Variants in SV2C observed in about 807,000 individuals in gnomAD.
SV2C encodes synaptic vesicle glycoprotein 2C.
In SV2C, 49 loss-of-function variants were observed where a neutral mutation model predicts 79.7. The ratio of observed to expected loss-of-function variants is 0.61; its 90% CI spans 0.49 to 0.78. SV2C has a LOEUF of 0.78. Among genes scored for constraint, SV2C ranks in the 30% least tolerant of loss-of-function variants. The probability of loss-of-function intolerance (pLI) is 0.00; values close to 1 mark genes in which losing one functional copy is unlikely to be tolerated. For synonymous variants in SV2C, 334 were observed against 333.2 expected (o/e 1.00, Z -0.03); for missense variants, 833 against 912.9 (o/e 0.91, Z 1.13).
chr5:76,167,280 A>G (rs1743074390), intron 2 of SV2C, among the ~76,000 whole-genome samples: 1 of 152,224 alleles, frequency 6.6e-6, no homozygotes, highest in South Asian at 2.1e-4. Flanking sequence ...TAGTAATTTT[A>G]AGCTTTAGTT....
At chr5:76,034,227 G>C in the SV2C span, among the ~76,000 whole-genome samples, 1 of 151,714 alleles carries the variant, frequency 6.6e-6, no homozygotes, top group South Asian at 2.1e-4. Flanking sequence ...TTTCCTAATT[G>C]AATACCCTTT....
chr5:75,893,360 G>A, the SV2C span, among the ~76,000 whole-genome samples: 23 of 152,046 alleles, frequency 1.5e-4, no homozygotes, highest in Non-Finnish European at 2.4e-4. Context: ...AAGTATTCTA[G>A]ATTCTTTGGG....
the SV2C span, among the ~76,000 whole-genome samples, chr5:76,007,741 C>A: frequency 6.6e-6 from 1 of 152,128 alleles, no homozygotes; most frequent in African/African-American, 2.4e-5. Context: ...CTGCTCTCAT[C>A]GAGCCTGTAT....
At chr5:75,909,916 A>G in the SV2C span, among the ~76,000 whole-genome samples, 3 of 152,236 alleles carry the variant, frequency 2.0e-5, no homozygotes, top group African/African-American at 7.2e-5. Flanking sequence ...TGATCCATCC[A>G]CAGACACAAT....
intron 1 of SV2C, among the ~76,000 whole-genome samples, chr5:76,120,444 G>C (rs9293668): frequency 0.23 from 33,476 of 144,436 alleles, 4,332 homozygotes; most frequent in East Asian, 0.45. Flanking sequence ...GTATACATGT[G>C]CCATGCTGGT....
At chr5:76,022,148 C>A in the SV2C span, among the ~76,000 whole-genome samples, 1 of 152,200 alleles carries the variant, frequency 6.6e-6, no homozygotes, top group African/African-American at 2.4e-5. Context: ...TAATGCCTCA[C>A]AGCGGCATTA....
At chr5:76,052,603 G>C in the SV2C span, among the ~76,000 whole-genome samples, 1 of 152,172 alleles carries the variant, frequency 6.6e-6, no homozygotes, top group Non-Finnish European at 1.5e-5. Context: ...CTGATGGCCA[G>C]GGTGCTGGAG....
the SV2C span, among the ~76,000 whole-genome samples, chr5:75,905,615 T>A: frequency 6.6e-6 from 1 of 151,974 alleles, no homozygotes; most frequent in Non-Finnish European, 1.5e-5. Context: ...TGGTCTGCAG[T>A]TGGGATGTCC....
At chr5:76,277,118 C>T (rs2972839) in intron 4 of SV2C, among the ~76,000 whole-genome samples, 22,474 of 152,112 alleles carry the variant, frequency 0.15, 2,201 homozygotes, top group African/African-American at 0.27. Context: ...GGGAAAGATG[C>T]GAAGCAGCTA....
chr5:76,118,552 C>CT (rs967950801), intron 1 of SV2C, among the ~76,000 whole-genome samples: 9 of 151,860 alleles, frequency 5.9e-5, no homozygotes, highest in African/African-American at 9.7e-5. Flanking sequence ...GATAAAACAC[C>CT]TTTTTTTTAA....
At chr5:76,197,735 T>TAG (rs34645140) in intron 3 of SV2C, among the ~76,000 whole-genome samples, 22 of 152,002 alleles carry the variant, frequency 1.4e-4, no homozygotes, top group South Asian at 6.2e-4. Flanking sequence ...GATAGATAGA[T>TAG]ATGAGACAGG....
At chr5:76,068,070 T>C in the SV2C span, among the ~76,000 whole-genome samples, 1 of 152,176 alleles carries the variant, frequency 6.6e-6, no homozygotes, top group African/African-American at 2.4e-5. Context: ...TTGTATTCCA[T>C]TAGCCAGAGC....
intron 4 of SV2C, among the ~76,000 whole-genome samples, chr5:76,284,465 G>A (rs563413992): frequency 3.9e-4 from 60 of 152,224 alleles, no homozygotes; most frequent in African/African-American, 1.2e-3. Flanking sequence ...GGTGTTTAGC[G>A]AAGGGACTCT....
the SV2C span, among the ~76,000 whole-genome samples, chr5:75,889,159 C>T: frequency 6.6e-6 from 1 of 151,782 alleles, no homozygotes; most frequent in Non-Finnish European, 1.5e-5. Context: ...CATAGGTATA[C>T]ATGTGGCATG....
intron 12 of SV2C, among the ~76,000 whole-genome samples, chr5:76,302,630 C>CAAAAAAAAAAAAA (rs60732488): frequency 2.9e-5 from 2 of 68,862 alleles, no homozygotes; most frequent in African/African-American, 6.0e-5. Context: ...GACTCCATCT[C>CAAAAAAAAAAAAA]AAAAAAAAAA....
chr5:75,860,448 C>T, the SV2C span, among the ~76,000 whole-genome samples: 447 of 152,186 alleles, frequency 2.9e-3, 10 homozygotes, highest in East Asian at 0.038. Context: ...ATGACACAAA[C>T]AAATGGAAAA....
the SV2C span, among the ~76,000 whole-genome samples, chr5:75,897,680 T>C: frequency 6.6e-6 from 1 of 152,300 alleles, no homozygotes; most frequent in African/African-American, 2.4e-5. Flanking sequence ...TTTCACGATA[T>C]TGATTCTTCC....
the SV2C span, among the ~76,000 whole-genome samples, chr5:75,915,391 G>A: frequency 2.6e-5 from 4 of 152,314 alleles, no homozygotes; most frequent in African/African-American, 7.2e-5. Flanking sequence ...AATGAAGTAA[G>A]TAGGATTCCT....
the SV2C span, among the ~76,000 whole-genome samples, chr5:76,040,770 T>C: frequency 6.6e-6 from 1 of 152,032 alleles, no homozygotes; most frequent in Non-Finnish European, 1.5e-5. Context: ...TTTACAACTC[T>C]GTAACCTCAC....
Sources: allele counts gnomAD v4.1 joint callset (sites outside exome capture counted in the v4.1 genomes callset), GRCh38; gene constraint gnomAD v4.1.1; transcripts MANE v1.5; gene names NCBI Gene and HGNC (gene_info 2026-07-23, HGNC 2026-07-21).